Variants in EFCAB13 observed in about 807,000 individuals in gnomAD.
The protein encoded by EFCAB13 is EF-hand calcium-binding domain-containing protein 13.
A neutral mutation model predicts 110.2 loss-of-function variants in EFCAB13; 91 were observed. That is an observed-to-expected ratio of 0.83 (90% confidence interval 0.70 to 0.98). The LOEUF is 0.98. EFCAB13 is among the 50% of genes least tolerant of loss of function. EFCAB13 has a pLI of 0.00. For synonymous variants in EFCAB13, 323 were observed against 369.9 expected (o/e 0.87, Z 1.45); for missense variants, 968 against 1,119.4 (o/e 0.86, Z 1.93).
At position 47,404,547 on chromosome 17, in the gene EFCAB13, C is replaced by G; in HGVS notation, c.2162-15C>G. On this transcript the variant is annotated splice_polypyrimidine_tract_variant and intron_variant, in intron 19 of 24. Coordinates refer to ENST00000331493, the MANE Select transcript of EFCAB13 (RefSeq NM_152347.5). ...CTAGGGGTTCTTGTTTGTCATCTCT[C>G]TCTTTTCCTTGCAGAAGATAACATG... 6.2e-7 allele frequency: 1 copy of G among 1,608,072 alleles called. No individual in the cohort carries two copies.
intron 23 of EFCAB13, 32 bp downstream of exon 23, chr17:47,414,951 C>T: frequency 1.4e-6 from 2 of 1,415,608 alleles, no homozygotes; most frequent in Non-Finnish European, 2.0e-6. Flanking sequence ...AAGAGAATGG[C>T]TAGAAAATAA....
rs755330607 is a variant in EFCAB13, at chr17:47,347,666, G to C, written c.518-142G>C. The C allele has an allele frequency of 7.3e-4, 374 of 509,954 alleles. 1 individual carries two copies. Among genetic ancestry groups the C allele is most frequent in the Non-Finnish European group, 1.0e-3 (329 of 325,828 alleles). The allele number at this position is 509,954 out of a possible 1,614,324, so 31.6% of individuals were successfully genotyped here. A position where few individuals can be genotyped will look rare whatever the true frequency, so the allele number is the denominator to read the frequency against. On this transcript the variant is annotated intron_variant, in intron 8 of 24. Transcript: ENST00000331493. ...GAATATTAAAAGATTGAAGAGGGTG[G>C]GGTAAAAAAGAAACAAGTTTGAAAG...
intron 9 of EFCAB13, among the ~76,000 whole-genome samples, chr17:47,355,068 G>T (rs118182440): frequency 2.1e-4 from 32 of 152,284 alleles, no homozygotes; most frequent in Non-Finnish European, 4.7e-4. Context: ...AGTCAGTAGT[G>T]CTGGTTTGGT....
In EFCAB13 at chr17:47,421,456, C is replaced by T. The variant is rs568893883; in HGVS notation, c.2494+6537C>T. On this transcript the variant is annotated intron_variant, in intron 23 of 24. Coordinates refer to ENST00000331493, the MANE Select transcript of EFCAB13 (RefSeq NM_152347.5). ...ATGCTCCTTAAGAGTCATCACCACTCCCTAATCTCAAGTACCCAGGGACAC... is the reference window on the plus strand; with the variant it reads ...ATGCTCCTTAAGAGTCATCACCACTTCCTAATCTCAAGTACCCAGGGACAC... Among the ~76,000 whole-genome samples the T allele has an allele frequency of 3.3e-5, 5 of 151,764 alleles. No individual in the cohort carries two copies. In the South Asian group the frequency reaches 1.0e-3, roughly 32 times the overall value.
intron 12 of EFCAB13, among the ~76,000 whole-genome samples, chr17:47,376,867 T>C (rs1020213542): frequency 1.3e-5 from 2 of 152,236 alleles, no homozygotes; most frequent in African/African-American, 4.8e-5. Flanking sequence ...ATTGACTAGT[T>C]GTCTTGTATA....
At chr17:47,439,195 T>TTA (rs1387071963) in intron 24 of EFCAB13, among the ~76,000 whole-genome samples, 20 of 147,158 alleles carry the variant, frequency 1.4e-4, no homozygotes, top group African/African-American at 4.8e-4. Flanking sequence ...TTTTTTTTTT[T>TTA]AGACAGATTC....
chr17:47,377,723 T>C (rs2065623920), intron 12 of EFCAB13, 43 bp from the exon 13 acceptor site: 1 of 1,490,820 alleles, frequency 6.7e-7, no homozygotes, highest in South Asian at 1.4e-5. Flanking sequence ...TTTTGACACA[T>C]AAATTCTGTT....
At chr17:47,420,566 C>A (rs549352414) in intron 23 of EFCAB13, among the ~76,000 whole-genome samples, 10 of 151,914 alleles carry the variant, frequency 6.6e-5, no homozygotes, top group Admixed American at 3.3e-4. Context: ...GGCCGCCCAT[C>A]GTCTGAGATG....
intron 14 of EFCAB13, among the ~76,000 whole-genome samples, chr17:47,381,553 T>C (rs1235016340): frequency 6.6e-6 from 1 of 152,228 alleles, no homozygotes; most frequent in South Asian, 2.1e-4. Flanking sequence ...AGGGTTCCAA[T>C]TTCAGTTTTC....
In EFCAB13 at chr17:47,335,324, A is replaced by T. The variant is rs1172750120; in HGVS notation, c.159A>T (p.Glu53Asp). Residue 53 changes from glutamate (E) to aspartate (D), a missense_variant, in exon 5 of 25, where the codon GAA (glutamate) becomes GAT (aspartate). Transcript: ENST00000331493. ...CAATAGAGAAGGAAATTTCACCGGA[A>T]ATTAGGAGTTTGAGCCCAGAATATA... ...SKTIEKEISP[E>D]IRSLSPEYKK... The T allele has an allele frequency of 6.2e-7, 1 of 1,605,248 alleles. No individual in the cohort carries two copies. Among genetic ancestry groups the T allele is most frequent in the Non-Finnish European group, 8.5e-7 (1 of 1,177,592 alleles).
At chr17:47,371,062 G>GTTTTTTTTTTTT (rs779767798) in intron 11 of EFCAB13, among the ~76,000 whole-genome samples, 9 of 108,938 alleles carry the variant, frequency 8.3e-5, no homozygotes, top group African/African-American at 1.1e-4. Flanking sequence ...TTTAATGGTT[G>GTTTTTTTTTTTT]TTTTTTTTTT....
At chr17:47,398,270 C>T (rs2065758271) in intron 17 of EFCAB13, among the ~76,000 whole-genome samples, 1 of 146,394 alleles carries the variant, frequency 6.8e-6, no homozygotes. Context: ...GCCAGCCACC[C>T]CGCCCGGGAG....
intron 23 of EFCAB13, among the ~76,000 whole-genome samples, chr17:47,429,429 G>C (rs1905062034): frequency 6.6e-6 from 1 of 152,146 alleles, no homozygotes; most frequent in South Asian, 2.1e-4. Context: ...TGGTTAAGAG[G>C]ATGGGCTTTG....
intron 23 of EFCAB13, among the ~76,000 whole-genome samples, chr17:47,425,692 T>A (rs1053961174): frequency 2.6e-5 from 4 of 152,176 alleles, no homozygotes; most frequent in African/African-American, 9.7e-5. Flanking sequence ...TTGAACGTGA[T>A]GAACGGCGTG....
intron 14 of EFCAB13, among the ~76,000 whole-genome samples, chr17:47,382,787 G>A (rs1661616942): frequency 1.3e-5 from 2 of 152,156 alleles, no homozygotes; most frequent in Non-Finnish European, 2.9e-5. Context: ...TCAGGGTGAT[G>A]CTGGCCTCAT....
At chr17:47,412,373 A>C (rs2065840713) in intron 21 of EFCAB13, among the ~76,000 whole-genome samples, 1 of 152,172 alleles carries the variant, frequency 6.6e-6, no homozygotes, top group Non-Finnish European at 1.5e-5. Flanking sequence ...ATTCACACAA[A>C]AGCACAGTAT....
intron 9 of EFCAB13, among the ~76,000 whole-genome samples, chr17:47,360,899 A>C (rs1469004970): frequency 6.6e-6 from 1 of 152,130 alleles, no homozygotes; most frequent in Non-Finnish European, 1.5e-5. Flanking sequence ...TTTTTTGTGG[A>C]AAATTATAAT....
chr17:47,327,363 T>C (rs1356311203), intron 3 of EFCAB13, among the ~76,000 whole-genome samples: 1 of 151,598 alleles, frequency 6.6e-6, no homozygotes, highest in Non-Finnish European at 1.5e-5. Context: ...CGGGGTTTCA[T>C]CATCTTGGCC....
At chr17:47,400,595 C>T (rs937361045) in intron 17 of EFCAB13, among the ~76,000 whole-genome samples, 11 of 151,680 alleles carry the variant, frequency 7.3e-5, no homozygotes, top group South Asian at 6.3e-4. Context: ...GCCTCCTTGC[C>T]TCCTTGCCTC....
Sources: allele counts gnomAD v4.1 joint callset (sites outside exome capture counted in the v4.1 genomes callset), GRCh38; gene constraint gnomAD v4.1.1; transcripts MANE v1.5; gene names NCBI Gene and HGNC (gene_info 2026-07-23, HGNC 2026-07-21).